Variants in EYS observed in about 807,000 individuals in gnomAD.
The protein encoded by EYS is protein eyes shut homolog.
A neutral mutation model predicts 282.1 loss-of-function variants in EYS; 250 were observed. The observed-to-expected ratio is 0.89, with a 90% confidence interval of 0.80 to 0.98. The LOEUF is 0.98. EYS is among the 50% of genes least tolerant of loss of function. The probability of loss-of-function intolerance (pLI) is 0.00; values close to 1 mark genes in which losing one functional copy is unlikely to be tolerated. For missense variants in EYS, 4,016 were observed against 3,709.0 expected, an observed-to-expected ratio of 1.08 and a Z score of -2.15; for synonymous variants, 1,355 against 1,282.9, an observed-to-expected ratio of 1.06 and a Z score of -1.20.
chr6:65,519,708 A>ATTTTTTTTTTTTTT (rs59743261), intron 2 of EYS, among the ~76,000 whole-genome samples: 4 of 42,562 alleles, frequency 9.4e-5, no homozygotes, highest in African/African-American at 1.3e-4. Context: ...ATATATATAT[A>ATTTTTTTTTTTTTT]TTTTTTTTTT....
intron 31 of EYS, among the ~76,000 whole-genome samples, chr6:64,191,439 G>A (rs927533413): frequency 2.6e-5 from 4 of 151,576 alleles, no homozygotes; most frequent in Non-Finnish European, 4.4e-5. Flanking sequence ...CCACTAACTC[G>A]TCATCCAGCA....
intron 12 of EYS, among the ~76,000 whole-genome samples, chr6:65,292,035 A>T (rs557933448): frequency 1.3e-5 from 2 of 151,726 alleles, no homozygotes; most frequent in African/African-American, 2.4e-5. Context: ...TGATACCAAC[A>T]AAAAAACATA....
In EYS at chr6:63,762,330, T is replaced by C. The variant is rs189713506; in HGVS notation, c.8071+131A>G. 52 of 832,082 alleles carry C rather than the reference T, an allele frequency of 6.2e-5. No homozygotes were observed. The African/African-American group carries it at 7.3e-4, about 12-fold the overall frequency. The allele number at this position is 832,082 out of a possible 1,614,324, so 51.5% of individuals were successfully genotyped here. On this transcript the variant is annotated intron_variant, in intron 41 of 42. Coordinates refer to ENST00000503581, the MANE Select transcript of EYS (RefSeq NM_001142800.2). ...CTGTGAAGTATAATGTCAAATATAC[T>C]AGAAAAAGAGGACAGTGGATTTGAA...
chr6:64,624,406 A>G (rs1422739690), intron 23 of EYS, among the ~76,000 whole-genome samples: 1 of 152,186 alleles, frequency 6.6e-6, no homozygotes. Flanking sequence ...TTTATTGTTT[A>G]TGCTAGCTAC....
At chr6:64,414,456 T>C (rs1774002157) in intron 28 of EYS, among the ~76,000 whole-genome samples, 1 of 152,080 alleles carries the variant, frequency 6.6e-6, no homozygotes, top group African/African-American at 2.4e-5. Flanking sequence ...TGTTCCAGCA[T>C]CTTATATCAG....
At chr6:63,827,910 A>G (rs1360053000) in intron 36 of EYS, among the ~76,000 whole-genome samples, 1 of 152,114 alleles carries the variant, frequency 6.6e-6, no homozygotes, top group Non-Finnish European at 1.5e-5. Flanking sequence ...ACAGTGGAGT[A>G]AAACTTGAAA....
chr6:64,364,258 G>C (rs1054546754), intron 29 of EYS, among the ~76,000 whole-genome samples: 2 of 151,756 alleles, frequency 1.3e-5, no homozygotes, highest in African/African-American at 4.8e-5. Flanking sequence ...TTCTGTTTCT[G>C]TTCTTAGTAG....
At chr6:65,098,838 C>T (rs1328591020) in intron 12 of EYS, among the ~76,000 whole-genome samples, 1 of 150,394 alleles carries the variant, frequency 6.6e-6, no homozygotes, top group African/African-American at 2.4e-5. Flanking sequence ...GAGCTAAAGG[C>T]AAAATTCCTA....
chr6:64,519,768 A>T (rs529570174), intron 26 of EYS, among the ~76,000 whole-genome samples: 1 of 151,974 alleles, frequency 6.6e-6, no homozygotes, highest in East Asian at 1.9e-4. Context: ...GAGTACCTTA[A>T]ACTATGGAAG....
chr6:63,869,198 A>T (rs1772740462), intron 35 of EYS, among the ~76,000 whole-genome samples: 1 of 152,192 alleles, frequency 6.6e-6, no homozygotes, highest in African/African-American at 2.4e-5. Context: ...AGCAAATAAA[A>T]GTCATAGAAT....
At chr6:64,893,514 T>C (rs1472060001) in intron 18 of EYS, among the ~76,000 whole-genome samples, 2 of 152,070 alleles carry the variant, frequency 1.3e-5, no homozygotes, top group Non-Finnish European at 2.9e-5. Flanking sequence ...GTGAGTACTT[T>C]ATCAATAGGT....
At chr6:64,352,913 G>A (rs1771691750) in intron 29 of EYS, among the ~76,000 whole-genome samples, 1 of 151,316 alleles carries the variant, frequency 6.6e-6, no homozygotes, top group Non-Finnish European at 1.5e-5. Context: ...CATTCTAATG[G>A]TTTTTACCTA....
chr6:65,605,539 C>T (rs999191595), intron 2 of EYS, among the ~76,000 whole-genome samples: 4 of 151,824 alleles, frequency 2.6e-5, no homozygotes, highest in Admixed American at 2.0e-4. Flanking sequence ...TTCAGCAATT[C>T]AAATTTTAGA....
chr6:64,219,720 G>A (rs1311182853), intron 31 of EYS, among the ~76,000 whole-genome samples: 2 of 152,018 alleles, frequency 1.3e-5, no homozygotes, highest in South Asian at 2.1e-4. Context: ...TTGAATGATC[G>A]CCATTGCGCA....
intron 5 of EYS, among the ~76,000 whole-genome samples, chr6:65,416,862 G>T (rs1767261272): frequency 6.6e-6 from 1 of 151,974 alleles, no homozygotes; most frequent in Non-Finnish European, 1.5e-5. Context: ...GGGAGAGAAA[G>T]AAATGGTTGC....
chr6:64,659,289 A>G (rs1768895354), intron 22 of EYS, among the ~76,000 whole-genome samples: 1 of 152,222 alleles, frequency 6.6e-6, no homozygotes, highest in Non-Finnish European at 1.5e-5. Flanking sequence ...AGCAGGAAAG[A>G]TTTAAAATTG....
intron 11 of EYS, among the ~76,000 whole-genome samples, chr6:65,297,887 T>C (rs1428869517): frequency 6.6e-6 from 1 of 152,072 alleles, no homozygotes; most frequent in African/African-American, 2.4e-5. Flanking sequence ...TAACCGTATC[T>C]TTGTAAATTG....
intron 19 of EYS, among the ~76,000 whole-genome samples, chr6:64,885,070 G>C (rs1412435100): frequency 6.6e-6 from 1 of 151,512 alleles, no homozygotes; most frequent in Non-Finnish European, 1.5e-5. Context: ...TAAAAACTAA[G>C]AAAACCATTA....
intron 31 of EYS, among the ~76,000 whole-genome samples, chr6:64,115,625 C>A (rs1773355477): frequency 6.6e-6 from 1 of 152,152 alleles, no homozygotes; most frequent in Non-Finnish European, 1.5e-5. Context: ...ACAACGACAC[C>A]CTCACCTAGC....
Sources: allele counts gnomAD v4.1 joint callset (sites outside exome capture counted in the v4.1 genomes callset), GRCh38; gene constraint gnomAD v4.1.1; transcripts MANE v1.5; gene names NCBI Gene and HGNC (gene_info 2026-07-23, HGNC 2026-07-21).